FOXP2: variants seen among roughly 807,000 people sequenced by gnomAD.
The protein encoded by FOXP2 is forkhead box P2, also known as forkhead box protein P2.
Under a neutral mutation model 115.8 loss-of-function variants are expected in FOXP2, and 12 were observed. The observed-to-expected ratio is 0.10, with a 90% confidence interval of 0.07 to 0.17. The LOEUF (loss-of-function observed/expected upper bound fraction) is 0.17, where lower values mean the gene tolerates loss of function less well. FOXP2 is among the 10% of genes least tolerant of loss of function. FOXP2 has a pLI of 1.00. For synonymous variants in FOXP2, 328 were observed against 297.7 expected (o/e 1.10, Z -1.05); for missense variants, 629 against 843.5 (o/e 0.75, Z 3.15).
At chr7:114,313,124 TTCTAGACTCAC>T (rs1374716203) in intron 2 of FOXP2, among the ~76,000 whole-genome samples, 2 of 152,150 alleles carry the variant, frequency 1.3e-5, no homozygotes, top group Non-Finnish European at 2.9e-5. Context: ...TAAGGAAAGT[TTCTAGACTCAC>T]TACATGCATC....
intron 3 of FOXP2, among the ~76,000 whole-genome samples, chr7:114,610,575 A>T (rs1020980833): frequency 2.6e-5 from 4 of 152,218 alleles, no homozygotes; most frequent in Non-Finnish European, 5.9e-5. Flanking sequence ...CTTTTTCTAC[A>T]ATTAACTATG....
At chr7:114,110,032 A>C (rs1340429591) in intron 1 of FOXP2, among the ~76,000 whole-genome samples, 2 of 152,248 alleles carry the variant, frequency 1.3e-5, no homozygotes, top group East Asian at 3.9e-4. Flanking sequence ...TGCATAAGTA[A>C]AGTTCCACAT....
intron 1 of FOXP2, among the ~76,000 whole-genome samples, chr7:114,165,430 T>C (rs1318738288): frequency 6.6e-6 from 1 of 152,190 alleles, no homozygotes; most frequent in Non-Finnish European, 1.5e-5. Context: ...GTGATTAGTG[T>C]TAACACAAGG....
intron 15 of FOXP2, 66 bp downstream of exon 15, chr7:114,663,585 CTT>C (rs1158107399): frequency 7.0e-6 from 8 of 1,138,100 alleles, no homozygotes; most frequent in Non-Finnish European, 1.0e-5. Flanking sequence ...TTTGGCATGT[CTT>C]TGTATTTAGG....
chr7:114,208,824 T>G (rs1257295497), intron 1 of FOXP2, among the ~76,000 whole-genome samples: 2 of 152,164 alleles, frequency 1.3e-5, no homozygotes, highest in African/African-American at 4.8e-5. Flanking sequence ...CTTGCTCCTC[T>G]TTGCCTCCTG....
At chr7:114,234,205 A>G (rs1794954441) in intron 1 of FOXP2, among the ~76,000 whole-genome samples, 1 of 152,190 alleles carries the variant, frequency 6.6e-6, no homozygotes. Flanking sequence ...TTATAATGAA[A>G]TAATTGAGGA....
chr7:114,666,405 A>G (rs145848871), intron 16 of FOXP2: 2 of 152,180 alleles, frequency 1.3e-5, no homozygotes, highest in East Asian at 3.9e-4. Flanking sequence ...TCAAATATTT[A>G]TGAAATATTT....
Position 114,346,359 on chromosome 7 carries a change from T to G in FOXP2, c.-11+58250T>G, listed in dbSNP as rs57201750. Among the ~76,000 whole-genome samples the G allele has an allele frequency of 5.5e-3, 839 of 151,932 alleles. 5 individuals carry two copies. Among genetic ancestry groups the G allele is most frequent in the African/African-American group, 0.019 (794 of 41,524 alleles). On this transcript the variant is annotated intron_variant, in intron 2 of 17. Transcript: ENST00000634411. The stretch of plus-strand genomic sequence containing the variant: ...TAGAATCAACCTAAGTATCCAACAT[T>G]GGATGAATGGATAAAATAAATGTGG...
intron 2 of FOXP2, among the ~76,000 whole-genome samples, chr7:114,350,319 C>T (rs1403342228): frequency 2.6e-5 from 4 of 152,068 alleles, no homozygotes; most frequent in South Asian, 2.1e-4. Context: ...CAACAGGCTC[C>T]GGTGTGTGAT....
At chr7:114,142,196 T>C (rs1376609581) in intron 1 of FOXP2, among the ~76,000 whole-genome samples, 1 of 152,098 alleles carries the variant, frequency 6.6e-6, no homozygotes, top group African/African-American at 2.4e-5. Context: ...CCAGTTTTTG[T>C]GTTTTTAGTA....
At chr7:114,507,606 A>G (rs528245879) in intron 2 of FOXP2, among the ~76,000 whole-genome samples, 2 of 152,080 alleles carry the variant, frequency 1.3e-5, no homozygotes, top group Non-Finnish European at 2.9e-5. Flanking sequence ...CAATGACTGA[A>G]GGATGTCACA....
chr7:114,274,844 G>A (rs954444866), intron 1 of FOXP2, among the ~76,000 whole-genome samples: 41 of 151,144 alleles, frequency 2.7e-4, no homozygotes, highest in African/African-American at 9.5e-4. Context: ...TTGTAGAGAT[G>A]GGGTTTCACC....
chr7:114,627,769 G>A (rs537967665), intron 3 of FOXP2, among the ~76,000 whole-genome samples: 1 of 152,088 alleles, frequency 6.6e-6, no homozygotes, highest in Non-Finnish European at 1.5e-5. Flanking sequence ...TCAGTTTAAT[G>A]AATAACCTTT....
intron 2 of FOXP2, among the ~76,000 whole-genome samples, chr7:114,533,065 C>A (rs1327373914): frequency 1.3e-5 from 2 of 151,820 alleles, no homozygotes; most frequent in Non-Finnish European, 2.9e-5. Flanking sequence ...AATGTGCCAT[C>A]CTTAGAAATA....
chr7:114,325,920 T>C (rs1424431042), intron 2 of FOXP2, among the ~76,000 whole-genome samples: 1 of 152,096 alleles, frequency 6.6e-6, no homozygotes, highest in African/African-American at 2.4e-5. Context: ...TGTCTAGTTC[T>C]CATGAAGACA....
intron 3 of FOXP2, among the ~76,000 whole-genome samples, chr7:114,539,450 A>G (rs891615254): frequency 6.6e-6 from 1 of 151,982 alleles, no homozygotes; most frequent in Non-Finnish European, 1.5e-5. Flanking sequence ...AGAGCGATCT[A>G]TTATGATGCC....
chr7:114,124,047 G>A (rs1374888285), intron 1 of FOXP2, among the ~76,000 whole-genome samples: 1 of 151,504 alleles, frequency 6.6e-6, no homozygotes, highest in African/African-American at 2.4e-5. Flanking sequence ...TCCTTTTATG[G>A]GTTTCTTTCT....
In FOXP2 at chr7:114,266,941, T is replaced by C. The variant is rs1728433; in HGVS notation, c.-101-21078T>C. On this transcript the variant is annotated intron_variant, in intron 1 of 17. Coordinates refer to the FOXP2 transcript ENST00000634411. ...GAGCTTAATGTCTTATAGTAGGTGA[T>C]AAAAATGTAAACAAATTAGTGTTGT... Among the ~76,000 whole-genome samples, 362 of 152,238 alleles carry C rather than the reference T, an allele frequency of 2.4e-3. 2 individuals are homozygous for C. The highest frequency in any genetic ancestry group is 8.4e-3 in the African/African-American group (348 of 41,540).
intron 1 of FOXP2, among the ~76,000 whole-genome samples, chr7:114,146,509 C>T (rs778930066): frequency 5.9e-5 from 9 of 151,776 alleles, no homozygotes; most frequent in Non-Finnish European, 1.3e-4. Context: ...GAGGAGGATG[C>T]GATTGATGAA....
Sources: gnomAD v4.1 joint callset for allele counts (sites outside exome capture counted in the v4.1 genomes callset) on GRCh38, gnomAD v4.1.1 for gene constraint, MANE v1.5 for transcripts, NCBI Gene and HGNC (gene_info 2026-07-23, HGNC 2026-07-21) for gene names.